The following DNAH8 variants were observed in gnomAD, a reference collection of about 807,000 sequenced individuals.
DNAH8 encodes dynein axonemal heavy chain 8, also known as axonemal beta dynein heavy chain 8.
DNAH8 carries 382 observed loss-of-function variants against 562.1 expected under a neutral mutation model. The ratio of observed to expected loss-of-function variants is 0.68; its 90% CI spans 0.63 to 0.74. DNAH8 has a LOEUF of 0.74. Among genes scored for constraint, DNAH8 ranks in the 30% least tolerant of loss-of-function variants. DNAH8 has a pLI of 0.00. For synonymous variants in DNAH8, 1,881 were observed against 1,919.4 expected, an observed-to-expected ratio of 0.98 and a Z score of 0.52; for missense variants, 5,203 against 5,620.4, an observed-to-expected ratio of 0.93 and a Z score of 2.37.
chr6:39,019,913 A>G (rs1203830926), intron 91 of DNAH8, among the ~76,000 whole-genome samples: 4 of 152,128 alleles, frequency 2.6e-5, no homozygotes, highest in Non-Finnish European at 4.4e-5. Flanking sequence ...GGGAAGGACA[A>G]GGTCTTTAGG....
Position 38,842,857 on chromosome 6 carries a change from G to T in DNAH8, c.4799G>T (p.Arg1600Ile). Residue 1600 changes from arginine to isoleucine, a missense_variant, in exon 35 of 93, where the codon AGA becomes ATA. Physicochemically the swap from Arg to Ile is moderately conservative, Grantham distance 97. Coordinates refer to ENST00000327475, the MANE Select transcript of DNAH8 (RefSeq NM_001206927.2). ...GTGGAATCTGATTCTTTTTGCCTTA[G>T]AAATATCATGGAAGCACCACTCCTT... is the stretch of plus-strand genomic sequence containing the variant. ...FDVESDSFCLRNIMEAPLLKH... is the reference protein window; with the variant it reads ...FDVESDSFCLINIMEAPLLKH... 6.2e-7 allele frequency: 1 copy of T among 1,613,728 alleles called. No homozygotes were observed. The highest frequency in any genetic ancestry group is 8.5e-7 in the Non-Finnish European group (1 of 1,179,826).
intron 62 of DNAH8, among the ~76,000 whole-genome samples, chr6:38,901,195 A>C (rs1780054383): frequency 6.6e-6 from 1 of 152,000 alleles, no homozygotes; most frequent in African/African-American, 2.4e-5. Context: ...TCTTAATTTT[A>C]ATGAAACATT....
chr6:38,981,659 A>G (rs923522825), intron 85 of DNAH8, among the ~76,000 whole-genome samples: 2 of 152,222 alleles, frequency 1.3e-5, no homozygotes, highest in Non-Finnish European at 2.9e-5. Flanking sequence ...AAAAATTCAA[A>G]CCCTTGCATT....
intron 60 of DNAH8, 58 bp downstream of exon 60, chr6:38,896,283 C>A: frequency 7.3e-7 from 1 of 1,370,206 alleles, no homozygotes; most frequent in Non-Finnish European, 1.0e-6. Flanking sequence ...CTAGATCTTT[C>A]TCTCTGCACC....
chr6:38,983,061 A>G (rs1331176885), intron 86 of DNAH8, among the ~76,000 whole-genome samples: 1 of 152,240 alleles, frequency 6.6e-6, no homozygotes, highest in Non-Finnish European at 1.5e-5. Context: ...GACTTCCTCA[A>G]GGTCACAGAG....
rs1002068222 is a variant in DNAH8 at position 38,908,027 on chromosome 6, G to A, written c.9420G>A (p.Glu3140=). Residue 3140 remains glutamate, a synonymous_variant, in exon 64 of 93, where the codon GAG becomes GAA. Transcript: ENST00000327475. ...TQGLISVMKR[E]LPRHPPTFDN... ...GTCTGATTTCAGTGATGAAGAGGGAGCTACCTCGCCATCCTCCTACCTTTG... is the reference window on the plus strand; with the variant it reads ...GTCTGATTTCAGTGATGAAGAGGGAACTACCTCGCCATCCTCCTACCTTTG... 1 of 1,612,588 alleles carries A rather than the reference G, an allele frequency of 6.2e-7. No individual in the cohort carries two copies. Among genetic ancestry groups the A allele is most frequent in the African/African-American group, 1.3e-5 (1 of 74,870 alleles).
At chr6:38,928,628 TA>T (rs1782295886) in intron 74 of DNAH8, among the ~76,000 whole-genome samples, 1 of 152,202 alleles carries the variant, frequency 6.6e-6, no homozygotes, top group African/African-American at 2.4e-5. Flanking sequence ...TTTATCATAG[TA>T]ATTGAGAGAT....
At chr6:38,842,576 A>G in intron 34 of DNAH8, 71 bp downstream of exon 34, 1 of 1,577,930 alleles carries the variant, frequency 6.3e-7, no homozygotes, top group Non-Finnish European at 8.6e-7. Flanking sequence ...AAGCTAATTT[A>G]TTCCCTAATA....
chr6:38,723,092 T>A lies in DNAH8; in HGVS notation c.283T>A (p.Ser95Thr). ...RQRLAPRPVQ[S>T]VISEVLSLPS... Reference sequence around the variant, plus strand: ...GAGGCTTGCACCGCGACCGGTTCAGTCAGTGATTTCGGAAGTGCTGTCCTT... The same window carrying A: ...GAGGCTTGCACCGCGACCGGTTCAGACAGTGATTTCGGAAGTGCTGTCCTT... The change falls in exon 2 of 93, where the codon TCA (serine) becomes ACA (threonine). Residue 95 changes from serine (S) to threonine (T), a missense_variant. This residue lies in a region of DNAH8 where 556 missense variants were observed against 496.9 expected (regional missense o/e 1.12). Transcript: ENST00000327475. 1.2e-6 allele frequency: 2 copies of A among 1,612,910 alleles called. No homozygotes were observed. Among genetic ancestry groups the A allele is most frequent in the Middle Eastern group, 1.6e-4 (1 of 6,062 alleles).
Position 38,773,837 on chromosome 6 carries a change from A to G in DNAH8, c.1765-1917A>G, listed in dbSNP as rs149212180. On this transcript the variant is annotated intron_variant, in intron 12 of 92. Coordinates refer to ENST00000327475, the MANE Select transcript of DNAH8 (RefSeq NM_001206927.2). ...ACCCTTGTGAACTCTTGCATAGATG[A>G]AGAGGAGAGCCACAAGTGTGCACTA... 4.2e-4 allele frequency among the ~76,000 whole-genome samples: 64 copies of G among 152,270 alleles called. No homozygotes were observed. In the East Asian group the frequency reaches 0.012, roughly 29 times the overall value.
chr6:38,806,970 A>G (rs1333329231), intron 23 of DNAH8, among the ~76,000 whole-genome samples: 1 of 152,118 alleles, frequency 6.6e-6, no homozygotes. Flanking sequence ...TAGAGCAGTG[A>G]GGAACAGTAT....
intron 62 of DNAH8, among the ~76,000 whole-genome samples, chr6:38,903,617 T>C (rs1302062312): frequency 9.5e-5 from 14 of 147,228 alleles, no homozygotes; most frequent in East Asian, 5.9e-4. Flanking sequence ...TCTTCCTTTT[T>C]TTTTTTTTTT....
At chr6:38,845,308 A>G (rs1775197187) in intron 35 of DNAH8, among the ~76,000 whole-genome samples, 1 of 152,202 alleles carries the variant, frequency 6.6e-6, no homozygotes, top group South Asian at 2.1e-4. Context: ...TGAAAACATA[A>G]TCTGAAAAAT....
chr6:38,852,598 A>G, intron 39 of DNAH8, 96 bp from the exon 40 acceptor site: 1 of 848,624 alleles, frequency 1.2e-6, no homozygotes, highest in Non-Finnish European at 1.8e-6. Context: ...GTAAATACTT[A>G]ACCTTTTAAA....
intron 52 of DNAH8, among the ~76,000 whole-genome samples, chr6:38,875,150 A>G (rs1033619549): frequency 1.3e-5 from 2 of 152,228 alleles, no homozygotes; most frequent in African/African-American, 4.8e-5. Context: ...AACTTTATTT[A>G]CCAAACAGGT....
intron 4 of DNAH8, among the ~76,000 whole-genome samples, chr6:38,730,513 G>A (rs1167970726): frequency 6.6e-6 from 1 of 152,206 alleles, no homozygotes; most frequent in Non-Finnish European, 1.5e-5. Context: ...CATCATCAGA[G>A]TCCTGTGGAT....
At chr6:38,911,912 G>T (rs1405957190) in intron 66 of DNAH8, among the ~76,000 whole-genome samples, 1 of 151,942 alleles carries the variant, frequency 6.6e-6, no homozygotes, top group Non-Finnish European at 1.5e-5. Flanking sequence ...TTCAGTTTTT[G>T]GTTTCATTTT....
At chr6:38,799,349 G>A (rs535427949) in intron 21 of DNAH8, among the ~76,000 whole-genome samples, 16 of 151,674 alleles carry the variant, frequency 1.1e-4, no homozygotes, top group Non-Finnish European at 1.6e-4. Context: ...ACCTTGTTCC[G>A]CCAGTTTTCC....
intron 47 of DNAH8, among the ~76,000 whole-genome samples, chr6:38,867,762 A>C (rs1031154602): frequency 1.1e-4 from 17 of 151,802 alleles, no homozygotes; most frequent in South Asian, 8.3e-4. Context: ...CAAAAAAAAA[A>C]AAAAAAAAAA....
Sources: allele counts gnomAD v4.1 joint callset (sites outside exome capture counted in the v4.1 genomes callset), GRCh38; gene constraint gnomAD v4.1.1; regional missense constraint gnomAD v4.1.1; transcripts MANE v1.5; gene names NCBI Gene and HGNC (gene_info 2026-07-23, HGNC 2026-07-21).